DAOA: variants seen among roughly 807,000 people sequenced by gnomAD.
DAOA encodes D-amino acid oxidase regulator.
A neutral mutation model predicts 16.4 loss-of-function variants in DAOA; 15 were observed. That is an observed-to-expected ratio of 0.91 (90% CI 0.61 to 1.41). The LOEUF (loss-of-function observed/expected upper bound fraction) is 1.41. Ranked by LOEUF, DAOA falls within the 40% of genes most tolerant of loss-of-function variation. The probability of loss-of-function intolerance (pLI) is 0.00; values close to 1 mark genes in which losing one functional copy is unlikely to be tolerated. For missense variants in DAOA, 230 were observed against 176.8 expected (o/e 1.30, Z -1.71); for synonymous variants, 75 against 59.1 (o/e 1.27, Z -1.23).
intron 4 of DAOA, among the ~76,000 whole-genome samples, chr13:105,473,416 T>C (rs1052589751): frequency 6.6e-6 from 1 of 152,052 alleles, no homozygotes; most frequent in African/African-American, 2.4e-5. Context: ...AACATTGCAT[T>C]TTTTTTACCT....
At chr13:105,490,885 A>G (rs995039446) in intron 5 of DAOA, 27 bp from the exon 6 acceptor site, 6 of 152,018 alleles carry the variant, frequency 3.9e-5, no homozygotes, top group African/African-American at 1.4e-4. Context: ...AAGTTTTCTT[A>G]TTATTGTTTT....
At chr13:105,485,215 C>A (rs1009248696) in intron 4 of DAOA, among the ~76,000 whole-genome samples, 118 of 152,306 alleles carry the variant, frequency 7.7e-4, no homozygotes, top group African/African-American at 2.6e-3. Context: ...CAACTCAAAT[C>A]TCTCATTTGA....
chr13:105,466,106 G>C, intron 1 of DAOA, 46 bp downstream of exon 1: 1 of 829,620 alleles, frequency 1.2e-6, no homozygotes, highest in South Asian at 2.2e-5. Flanking sequence ...AAGTTTATCA[G>C]CTCCTGCATG....
At chr13:105,475,586 G>C (rs546651725) in intron 4 of DAOA, among the ~76,000 whole-genome samples, 1 of 152,140 alleles carries the variant, frequency 6.6e-6, no homozygotes, top group Non-Finnish European at 1.5e-5. Context: ...GAGCAACAAA[G>C]TAAGTTTTCA....
chr13:105,486,550 T>A (rs890783753), intron 4 of DAOA, among the ~76,000 whole-genome samples: 29 of 152,242 alleles, frequency 1.9e-4, no homozygotes, highest in African/African-American at 6.5e-4. Context: ...TACAAAATAT[T>A]CTTTGGATGC....
chr13:105,465,956 TA>T (rs1290231699), upstream of DAOA: 1 of 238,934 alleles, frequency 4.2e-6, no homozygotes, highest in Non-Finnish European at 8.0e-6. Flanking sequence ...AGAGATTAAC[TA>T]CAACAATATT....
chr13:105,488,017 A>ATCTGTTTTTAACAG (rs1325471009), intron 4 of DAOA, among the ~76,000 whole-genome samples: 87 of 152,292 alleles, frequency 5.7e-4, no homozygotes, highest in Middle Eastern at 6.8e-3. Context: ...CAGGGGAAAA[A>ATCTGTTTTTAACAG]GGCAGAACTA....
chr13:105,472,746 C>G, intron 4 of DAOA, 61 bp downstream of exon 4: 1 of 1,486,568 alleles, frequency 6.7e-7, no homozygotes, highest in Non-Finnish European at 9.1e-7. Flanking sequence ...AATGTTGGAA[C>G]TTACGAAAGC....
rs78454034 is a variant in DAOA, at chr13:105,472,750, C to T, written c.281+65C>T. 8.1e-4 allele frequency: 1,179 copies of T among 1,454,294 alleles called. 19 individuals carry two copies. In the East Asian group the frequency reaches 0.024, roughly 29 times the overall value. 90.1% of individuals were successfully genotyped at this position (1,454,294 alleles called of 1,614,324 possible). ...AGCTAAATGCTAATGTTGGAACTTACGAAAGCAACTTCTCTGGGCTTTTTA... is the reference window on the plus strand; with the variant it reads ...AGCTAAATGCTAATGTTGGAACTTATGAAAGCAACTTCTCTGGGCTTTTTA... On this transcript the variant is annotated intron_variant, in intron 4 of 5. Transcript: ENST00000375936.
At chr13:105,485,501 C>G (rs1246031194) in intron 4 of DAOA, among the ~76,000 whole-genome samples, 3 of 152,206 alleles carry the variant, frequency 2.0e-5, no homozygotes, top group Non-Finnish European at 4.4e-5. Context: ...TTTCTTTCCA[C>G]TAACCCTTAT....
chr13:105,482,485 T>C (rs1877812162), intron 4 of DAOA, among the ~76,000 whole-genome samples: 1 of 151,494 alleles, frequency 6.6e-6, no homozygotes, highest in Non-Finnish European at 1.5e-5. Context: ...TGCCAGCTCC[T>C]CTGCTTTGAC....
chr13:105,466,770 T>C (rs1466558409), intron 2 of DAOA, among the ~76,000 whole-genome samples: 1 of 152,146 alleles, frequency 6.6e-6, no homozygotes, highest in African/African-American at 2.4e-5. Context: ...TTGGAGATTT[T>C]TAAAAAGCAA....
chr13:105,468,353 A>G (rs1377382336), intron 3 of DAOA, among the ~76,000 whole-genome samples: 2 of 152,202 alleles, frequency 1.3e-5, no homozygotes, highest in African/African-American at 4.8e-5. Flanking sequence ...TAATTAAAAC[A>G]TTGATTTTCA....
In DAOA at chr13:105,489,210, A is replaced by T. The variant is rs145153715; in HGVS notation, c.282-691A>T. Among the ~76,000 whole-genome samples the T allele has an allele frequency of 5.9e-5, 9 of 152,336 alleles. No homozygotes were observed. In the East Asian group the frequency reaches 1.7e-3, roughly 29 times the overall value. ...GATAGAGAGAGTAACATTTGCATGT[A>T]AGATGGATGTCAAGTTTAATATCAG... is the stretch of plus-strand genomic sequence containing the variant. On this transcript the variant is annotated intron_variant, in intron 4 of 5. Transcript: ENST00000375936.
At chr13:105,466,705 G>A (rs1876541121) in intron 2 of DAOA, among the ~76,000 whole-genome samples, 1 of 152,150 alleles carries the variant, frequency 6.6e-6, no homozygotes, top group Non-Finnish European at 1.5e-5. Flanking sequence ...TTAGCACTGT[G>A]TAGAACTGGG....
chr13:105,487,550 A>T (rs1019733622), intron 4 of DAOA, among the ~76,000 whole-genome samples: 2 of 151,478 alleles, frequency 1.3e-5, no homozygotes, highest in Non-Finnish European at 2.9e-5. Context: ...TAAATGTGTT[A>T]AGGCAGAAAC....
At position 105,471,616 on chromosome 13, in the gene DAOA, T is replaced by C. The variant is rs147341491; in HGVS notation, c.134-922T>C. ...AAGACATGGTAAGCTCATACAGATG[T>C]ATCATGAACATGAATCAAAGATTTT... On this transcript the variant is annotated intron_variant, in intron 3 of 5. Transcript: ENST00000375936. Among the ~76,000 whole-genome samples, 134 of 152,350 alleles carry C rather than the reference T, an allele frequency of 8.8e-4. 1 individual carries two copies. The highest frequency in any genetic ancestry group is 2.9e-3 in the Admixed American group (45 of 15,310).
At chr13:105,490,879 TTTC>T (rs1039155521) in intron 5 of DAOA, 30 bp from the exon 6 acceptor site, 12 of 152,038 alleles carry the variant, frequency 7.9e-5, no homozygotes, top group African/African-American at 2.9e-4. Flanking sequence ...AAAAAAAAGT[TTTC>T]TTATTATTGT....
chr13:105,469,845 A>C (rs530230006), intron 3 of DAOA, among the ~76,000 whole-genome samples: 19 of 152,316 alleles, frequency 1.2e-4, no homozygotes, highest in African/African-American at 4.3e-4. Context: ...CATATTTCCA[A>C]ACTTTCCAAA....
Sources: gnomAD v4.1 joint callset for allele counts (sites outside exome capture counted in the v4.1 genomes callset) on GRCh38, gnomAD v4.1.1 for gene constraint, MANE v1.5 for transcripts, NCBI Gene and HGNC (gene_info 2026-07-23, HGNC 2026-07-21) for gene names.